The following CBLN2 variants were observed in gnomAD, a reference collection of about 807,000 sequenced individuals.
The protein encoded by CBLN2 is cerebellin 2 precursor, also known as cerebellin-2.
Under a neutral mutation model 15.0 loss-of-function variants are expected in CBLN2, and 7 were observed. The observed-to-expected ratio is 0.47, with a 90% CI of 0.27 to 0.88. The LOEUF is 0.88. Among genes scored for constraint, CBLN2 ranks in the 40% least tolerant of loss-of-function variants. The pLI, the probability that CBLN2 is intolerant of heterozygous loss-of-function variation, is 0.14. For missense variants in CBLN2, 242 were observed against 304.5 expected, an observed-to-expected ratio of 0.79 and a Z score of 1.53; for synonymous variants, 149 against 135.2, an observed-to-expected ratio of 1.10 and a Z score of -0.71.
chr18:72,569,583 G>T (rs1056554642), intron 1 of CBLN2, among the ~76,000 whole-genome samples: 1 of 152,128 alleles, frequency 6.6e-6, no homozygotes, highest in African/African-American at 2.4e-5. Flanking sequence ...TGTGGTGCCG[G>T]CATCTGATTC....
At chr18:72,559,903 T>A (rs1419491227) in intron 1 of CBLN2, among the ~76,000 whole-genome samples, 1 of 152,250 alleles carries the variant, frequency 6.6e-6, no homozygotes, top group Non-Finnish European at 1.5e-5. Flanking sequence ...TGTAGTCAGC[T>A]GCAAGGCAAT....
At chr18:72,573,088 G>A (rs2069342672) in intron 1 of CBLN2, among the ~76,000 whole-genome samples, 2 of 152,056 alleles carry the variant, frequency 1.3e-5, no homozygotes, top group South Asian at 4.1e-4. Flanking sequence ...TAAATCATGG[G>A]ATGATAAAAG....
At chr18:72,595,830 A>G (rs1202965109) in intron 1 of CBLN2, among the ~76,000 whole-genome samples, 1 of 151,938 alleles carries the variant, frequency 6.6e-6, no homozygotes, top group African/African-American at 2.4e-5. Context: ...GTCTGATATA[A>G]GTATGGTTAC....
chr18:72,592,038 A>G (rs2069483090), intron 1 of CBLN2, among the ~76,000 whole-genome samples: 1 of 152,070 alleles, frequency 6.6e-6, no homozygotes, highest in African/African-American at 2.4e-5. Context: ...CTATGTTTTT[A>G]GTTTTTTGAA....
intron 1 of CBLN2, among the ~76,000 whole-genome samples, chr18:72,625,467 C>T (rs1186252040): frequency 6.6e-6 from 1 of 151,418 alleles, no homozygotes; most frequent in Non-Finnish European, 1.5e-5. Context: ...TATCTCTATC[C>T]CTAGATTTTA....
intron 1 of CBLN2, among the ~76,000 whole-genome samples, chr18:72,638,050 A>G (rs969839240): frequency 1.3e-5 from 2 of 152,218 alleles, no homozygotes; most frequent in Non-Finnish European, 2.9e-5. Context: ...GCAGGTTTAG[A>G]GTGAGGGCCC....
rs537682144 is a variant in CBLN2, at chr18:72,598,412, T to C, written c.15+39913A>G. Among the ~76,000 whole-genome samples, 35 of 152,320 alleles carry C rather than the reference T, an allele frequency of 2.3e-4. No individual in the cohort carries two copies. In the South Asian group the frequency reaches 4.4e-3, roughly 19 times the overall value. The stretch of plus-strand genomic sequence containing the variant: ...GCCTATTCTACTGTGGCTAAGCTGG[T>C]ATCCACGTTGCAAGACAAAGTCCAC... On this transcript the variant is annotated intron_variant, in intron 1 of 2. Transcript: ENST00000581073.
At chr18:72,619,836 A>G (rs982862883) in intron 1 of CBLN2, among the ~76,000 whole-genome samples, 16 of 152,198 alleles carry the variant, frequency 1.1e-4, no homozygotes, top group Non-Finnish European at 2.9e-5. Flanking sequence ...TGACCCCTTA[A>G]TGGGATTTGT....
intron 1 of CBLN2, among the ~76,000 whole-genome samples, chr18:72,562,722 G>A (rs141013948): frequency 3.3e-5 from 5 of 152,310 alleles, no homozygotes; most frequent in African/African-American, 9.6e-5. Flanking sequence ...CTTTTAAGGA[G>A]GCAGTTTAAA....
chr18:72,556,996 G>A (rs1046220557), intron 1 of CBLN2, among the ~76,000 whole-genome samples: 2 of 151,668 alleles, frequency 1.3e-5, no homozygotes, highest in Admixed American at 6.6e-5. Flanking sequence ...GACATCTAAG[G>A]AGTAATTGAA....
At chr18:72,611,564 G>A (rs1281268234) in intron 1 of CBLN2, among the ~76,000 whole-genome samples, 2 of 152,212 alleles carry the variant, frequency 1.3e-5, no homozygotes, top group African/African-American at 2.4e-5. Context: ...GTCTGTTCAT[G>A]TCTTTTGCCT....
At chr18:72,622,966 A>G (rs1274703133) in intron 1 of CBLN2, among the ~76,000 whole-genome samples, 1 of 152,168 alleles carries the variant, frequency 6.6e-6, no homozygotes, top group African/African-American at 2.4e-5. Context: ...GGACTGGGTA[A>G]TTTATAAAGA....
intron 1 of CBLN2, among the ~76,000 whole-genome samples, chr18:72,580,798 T>C (rs2069397849): frequency 1.3e-5 from 2 of 152,204 alleles, no homozygotes; most frequent in African/African-American, 4.8e-5. Context: ...CCTATGAACA[T>C]TCACATTATA....
intron 1 of CBLN2, among the ~76,000 whole-genome samples, chr18:72,627,365 T>C (rs2069746706): frequency 6.6e-6 from 1 of 152,228 alleles, no homozygotes; most frequent in Non-Finnish European, 1.5e-5. Flanking sequence ...TATATCTATA[T>C]GAGGGCTTCA....
chr18:72,619,903 G>A (rs917062839), intron 1 of CBLN2, among the ~76,000 whole-genome samples: 2 of 152,224 alleles, frequency 1.3e-5, no homozygotes, highest in Non-Finnish European at 2.9e-5. Context: ...GGGAGGCAGC[G>A]TGCAAGCAAA....
chr18:72,589,995 C>T (rs547642252), intron 1 of CBLN2, among the ~76,000 whole-genome samples: 4 of 152,136 alleles, frequency 2.6e-5, no homozygotes, highest in Admixed American at 2.0e-4. Context: ...TAGTCAGGCA[C>T]GGTGGCTCTC....
At chr18:72,556,780 T>C (rs909758406) in intron 1 of CBLN2, among the ~76,000 whole-genome samples, 3 of 152,202 alleles carry the variant, frequency 2.0e-5, no homozygotes, top group South Asian at 2.1e-4. Flanking sequence ...GATAGGTAGA[T>C]TCTCAGCGTA....
intron 1 of CBLN2, among the ~76,000 whole-genome samples, chr18:72,600,974 C>T (rs575702451): frequency 6.6e-6 from 1 of 152,216 alleles, no homozygotes; most frequent in African/African-American, 2.4e-5. Flanking sequence ...CTCAAAAGGC[C>T]AATCTTAGGT....
chr18:72,602,636 G>A (rs1249936547), intron 1 of CBLN2, among the ~76,000 whole-genome samples: 1 of 152,148 alleles, frequency 6.6e-6, no homozygotes, highest in Non-Finnish European at 1.5e-5. Flanking sequence ...CCCACGTTCA[G>A]TTTATGTGTA....
Sources: gnomAD v4.1 joint callset for allele counts (sites outside exome capture counted in the v4.1 genomes callset) on GRCh38, gnomAD v4.1.1 for gene constraint, MANE v1.5 for transcripts, NCBI Gene and HGNC (gene_info 2026-07-23, HGNC 2026-07-21) for gene names.